Variants in SETBP1 observed in about 807,000 individuals in gnomAD.
The protein encoded by SETBP1 is SET binding protein 1, also known as SET-binding protein.
In SETBP1, 9 loss-of-function variants were observed where a neutral mutation model predicts 101.0. The observed-to-expected ratio is 0.09, with a 90% CI of 0.05 to 0.16. SETBP1 has a LOEUF of 0.16. Ranked by LOEUF, SETBP1 falls within the 10% of genes least tolerant of loss-of-function variation. The probability of loss-of-function intolerance (pLI) is 1.00; values close to 1 mark genes in which losing one functional copy is unlikely to be tolerated. For synonymous variants in SETBP1, 818 were observed against 788.5 expected (o/e 1.04, Z -0.63); for missense variants, 1,858 against 2,033.8 (o/e 0.91, Z 1.66).
intron 2 of SETBP1, 72 bp from the exon 3 acceptor site, chr18:44,869,157 TG>T (rs1437466181): frequency 2.3e-6 from 3 of 1,317,114 alleles, no homozygotes; most frequent in African/African-American, 2.9e-5. Flanking sequence ...AGTCCATTGC[TG>T]GTCAGTTGTC....
At chr18:44,976,279 C>T (rs1016005920) in intron 4 of SETBP1, among the ~76,000 whole-genome samples, 12 of 152,244 alleles carry the variant, frequency 7.9e-5, no homozygotes, top group Middle Eastern at 3.4e-3. Context: ...GTTTACAGTC[C>T]GTATTAACCC....
rs11399627 is a variant in SETBP1 at position 44,787,860 on chromosome 18, C to CAAAAAAAA, written c.487-81357_487-81350dup. Among the ~76,000 whole-genome samples the CAAAAAAAA allele has an allele frequency of 4.3e-4, 4 of 9,216 alleles. 1 individual carries two copies. The highest frequency in any genetic ancestry group is 2.4e-3 in the Admixed American group (2 of 842). The allele number at this position is 9,216 out of a possible 152,430, so 6.0% of individuals were successfully genotyped here. A position where few individuals can be genotyped will look rare whatever the true frequency, so the allele number is the denominator to read the frequency against. ...TGGGCGACAGAGCGAGAGTCCGTCTCAAAAAAAAAAAAAAAAAAAAGAAAA... is the reference window on the plus strand; with the variant it reads ...TGGGCGACAGAGCGAGAGTCCGTCTCAAAAAAAAAAAAAAAAAAAAAAAAAAAAGAAAA... On this transcript the variant is annotated intron_variant, in intron 2 of 5. Coordinates refer to ENST00000649279, the MANE Select transcript of SETBP1 (RefSeq NM_015559.3).
intron 4 of SETBP1, among the ~76,000 whole-genome samples, chr18:44,990,708 A>G (rs2072350184): frequency 1.3e-5 from 2 of 152,036 alleles, no homozygotes. Flanking sequence ...ACTAAAAATA[A>G]TGTTCAATTT....
chr18:44,847,154 C>T (rs2072741386), intron 2 of SETBP1, among the ~76,000 whole-genome samples: 1 of 152,176 alleles, frequency 6.6e-6, no homozygotes, highest in African/African-American at 2.4e-5. Context: ...ATAGGCATAA[C>T]ACTACAGTGA....
At chr18:44,782,094 A>G (rs1456648822) in intron 2 of SETBP1, among the ~76,000 whole-genome samples, 6 of 152,186 alleles carry the variant, frequency 3.9e-5, no homozygotes, top group Non-Finnish European at 8.8e-5. Flanking sequence ...GGAATGCAGA[A>G]CGACCTCAAC....
rs559758625 is a variant in SETBP1 at position 44,785,205 on chromosome 18, A to G, written c.486+83373A>G. Among the ~76,000 whole-genome samples, 7 of 152,346 alleles carry G rather than the reference A, an allele frequency of 4.6e-5. No homozygotes were observed. In the South Asian group the frequency reaches 8.3e-4, roughly 18 times the overall value. On this transcript the variant is annotated intron_variant, in intron 2 of 5. Coordinates refer to ENST00000649279, the MANE Select transcript of SETBP1 (RefSeq NM_015559.3). ...TATAAACAGTGACAGGTGACAGGCC[A>G]GTTAGATTCTTGGTCAAACTGCAGA...
intron 4 of SETBP1, among the ~76,000 whole-genome samples, chr18:45,030,925 G>A (rs915710633): frequency 9.2e-5 from 14 of 151,904 alleles, no homozygotes; most frequent in African/African-American, 3.4e-4. Context: ...AGTCTTGCTA[G>A]CAGTCTATCA....
chr18:44,746,924 C>T lies in SETBP1; in HGVS notation c.486+45092C>T, dbSNP rs749867322. Among the ~76,000 whole-genome samples, 5 of 152,302 alleles carry T rather than the reference C, an allele frequency of 3.3e-5. No individual in the cohort carries two copies. In the East Asian group the frequency reaches 7.7e-4, roughly 23 times the overall value. On this transcript the variant is annotated intron_variant, in intron 2 of 5. Coordinates refer to ENST00000649279, the MANE Select transcript of SETBP1 (RefSeq NM_015559.3). ...ACTGTCTTCAGGTAAAGGTGAGGAA[C>T]AGGTAGGGTGTGCTATGGATGCATA...
At chr18:45,040,893 G>A (rs1481188288) in intron 5 of SETBP1, among the ~76,000 whole-genome samples, 4 of 152,188 alleles carry the variant, frequency 2.6e-5, no homozygotes, top group Non-Finnish European at 5.9e-5. Flanking sequence ...GTCTCTGGCT[G>A]TTGAGCTGGA....
intron 5 of SETBP1, among the ~76,000 whole-genome samples, chr18:45,047,417 A>G (rs1350438568): frequency 6.6e-6 from 1 of 152,224 alleles, no homozygotes. Context: ...TTTTGAGATG[A>G]AAGTGTGGTG....
intron 2 of SETBP1, among the ~76,000 whole-genome samples, chr18:44,737,045 A>C (rs1337044661): frequency 6.6e-6 from 1 of 152,222 alleles, no homozygotes; most frequent in East Asian, 1.9e-4. Context: ...CATCTTTGTA[A>C]AAGAATAAAT....
chr18:44,823,967 T>C (rs2072175862), intron 2 of SETBP1, among the ~76,000 whole-genome samples: 1 of 152,200 alleles, frequency 6.6e-6, no homozygotes. Context: ...ATACCAACCA[T>C]GGCAGTAATC....
intron 4 of SETBP1, among the ~76,000 whole-genome samples, chr18:45,003,297 C>T (rs985051281): frequency 6.6e-6 from 1 of 152,218 alleles, no homozygotes; most frequent in African/African-American, 2.4e-5. Flanking sequence ...TATTGATTGG[C>T]TCACAATCTG....
chr18:44,828,495 C>A (rs1313588051), intron 2 of SETBP1, among the ~76,000 whole-genome samples: 1 of 152,168 alleles, frequency 6.6e-6, no homozygotes, highest in Non-Finnish European at 1.5e-5. Context: ...TATTTTTTAT[C>A]TATTCCAATC....
At chr18:44,684,098 A>G (rs1207935558) in intron 1 of SETBP1, among the ~76,000 whole-genome samples, 9 of 152,194 alleles carry the variant, frequency 5.9e-5, no homozygotes, top group Non-Finnish European at 1.0e-4. Context: ...CTTGCTGCAC[A>G]TCATTTTGTC....
intron 3 of SETBP1, among the ~76,000 whole-genome samples, chr18:44,926,094 G>C (rs1046339877): frequency 1.3e-5 from 2 of 151,992 alleles, no homozygotes; most frequent in South Asian, 2.1e-4. Context: ...TTGAGAGGGG[G>C]GTCTCACTCT....
chr18:45,009,592 T>C (rs2072797364), intron 4 of SETBP1, among the ~76,000 whole-genome samples: 1 of 152,026 alleles, frequency 6.6e-6, no homozygotes, highest in Non-Finnish European at 1.5e-5. Flanking sequence ...TTTTTATGAC[T>C]CCAGGAGGGC....
chr18:44,889,335 G>A (rs2069716766), intron 3 of SETBP1, among the ~76,000 whole-genome samples: 2 of 152,266 alleles, frequency 1.3e-5, no homozygotes, highest in South Asian at 4.1e-4. Context: ...AAGTTTGAGA[G>A]CTACCATCAG....
chr18:44,777,321 C>T (rs1208072370), intron 2 of SETBP1, among the ~76,000 whole-genome samples: 2 of 152,182 alleles, frequency 1.3e-5, no homozygotes, highest in African/African-American at 2.4e-5. Flanking sequence ...GCCACTATCT[C>T]ACCATTCTAA....
Sources: allele counts gnomAD v4.1 joint callset (sites outside exome capture counted in the v4.1 genomes callset), GRCh38; gene constraint gnomAD v4.1.1; transcripts MANE v1.5; gene names NCBI Gene and HGNC (gene_info 2026-07-23, HGNC 2026-07-21).